AGBL3: variants seen among roughly 807,000 people sequenced by gnomAD.
AGBL3 encodes cytosolic carboxypeptidase 3.
In AGBL3, 68 loss-of-function variants were observed where a neutral mutation model predicts 94.5. The observed-to-expected ratio is 0.72, with a 90% confidence interval of 0.59 to 0.88. AGBL3 has a LOEUF of 0.88. Ranked by LOEUF, AGBL3 falls within the 40% of genes least tolerant of loss-of-function variation. The pLI, the probability that AGBL3 is intolerant of heterozygous loss-of-function variation, is 0.00. For missense variants in AGBL3, 934 were observed against 1,103.8 expected, an observed-to-expected ratio of 0.85 and a Z score of 2.18; for synonymous variants, 354 against 370.7, an observed-to-expected ratio of 0.95 and a Z score of 0.52.
intron 5 of AGBL3, among the ~76,000 whole-genome samples, chr7:135,031,886 C>T (rs1395280067): frequency 6.6e-6 from 1 of 152,194 alleles, no homozygotes; most frequent in Non-Finnish European, 1.5e-5. Context: ...TTCTTAGTCT[C>T]ATCTTTTGAC....
chr7:135,027,563 G>T (rs1323745611), intron 5 of AGBL3, among the ~76,000 whole-genome samples: 1 of 151,318 alleles, frequency 6.6e-6, no homozygotes, highest in Non-Finnish European at 1.5e-5. Context: ...TCAGTTTTAA[G>T]TTGGCTGGCA....
At chr7:135,088,238 T>C (rs1328820195) in intron 15 of AGBL3, among the ~76,000 whole-genome samples, 1 of 152,118 alleles carries the variant, frequency 6.6e-6, no homozygotes, top group Non-Finnish European at 1.5e-5. Flanking sequence ...AGGCAGCATA[T>C]AGTTGGTTTT....
At chr7:135,101,800 C>T (rs1437371978) in intron 15 of AGBL3, among the ~76,000 whole-genome samples, 6 of 152,124 alleles carry the variant, frequency 3.9e-5, no homozygotes, top group South Asian at 2.1e-4. Context: ...TTGCCTGTGT[C>T]CCCACCCAAA....
intron 13 of AGBL3, 106 bp downstream of exon 13, chr7:135,076,574 A>C (rs2116826009): frequency 1.1e-6 from 1 of 885,220 alleles, no homozygotes; most frequent in South Asian, 1.7e-5. Flanking sequence ...CCCCAGGAGA[A>C]GTTAAAATTT....
rs1345278427 is a variant in AGBL3 at position 135,045,814 on chromosome 7, AAAG to A, written c.1747_1749del (p.Glu583del). The A allele has an allele frequency of 1.4e-5, 21 of 1,549,604 alleles. No homozygotes were observed. The highest frequency in any genetic ancestry group is 4.1e-5 in the African/African-American group (3 of 72,940). On this transcript the variant is annotated inframe_deletion, in exon 11 of 17. Transcript: ENST00000436302. ...TTTTGCCTAGTATTATCGGTGCCTGAAAGAATTAGAAGAAATGGAAAGACATAT... is the reference window on the plus strand; with the variant it reads ...TTTTGCCTAGTATTATCGGTGCCTGAAATTAGAAGAAATGGAAAGACATAT...
At chr7:135,087,209 T>A (rs1821399052) in intron 15 of AGBL3, among the ~76,000 whole-genome samples, 1 of 151,944 alleles carries the variant, frequency 6.6e-6, no homozygotes, top group African/African-American at 2.4e-5. Context: ...ATTCTGATTT[T>A]ATTTGGGTCT....
intron 15 of AGBL3, among the ~76,000 whole-genome samples, chr7:135,082,915 T>C (rs1287194766): frequency 6.6e-6 from 1 of 152,138 alleles, no homozygotes; most frequent in Non-Finnish European, 1.5e-5. Flanking sequence ...CTATCTGCTA[T>C]ACATCTCCAC....
At chr7:135,085,282 C>T (rs748172644) in intron 15 of AGBL3, among the ~76,000 whole-genome samples, 14 of 152,114 alleles carry the variant, frequency 9.2e-5, no homozygotes, top group Non-Finnish European at 1.8e-4. Flanking sequence ...AATGTTTTCT[C>T]CCATTCTGCA....
intron 15 of AGBL3, among the ~76,000 whole-genome samples, chr7:135,101,890 G>A (rs1021905750): frequency 3.3e-5 from 5 of 152,048 alleles, no homozygotes; most frequent in Admixed American, 6.6e-5. Context: ...TCATGGAGGC[G>A]GCGTCCCCCA....
intron 16 of AGBL3, among the ~76,000 whole-genome samples, chr7:135,124,520 T>C (rs1440250261): frequency 2.0e-5 from 3 of 152,222 alleles, no homozygotes; most frequent in Admixed American, 6.5e-5. Flanking sequence ...ATTCAGGACT[T>C]GAACTCTCAG....
At chr7:135,117,171 C>T (rs1826440679) in intron 16 of AGBL3, among the ~76,000 whole-genome samples, 1 of 152,178 alleles carries the variant, frequency 6.6e-6, no homozygotes, top group South Asian at 2.1e-4. Flanking sequence ...TTTTGATTTG[C>T]ATAATCTTTC....
At position 135,135,367 on chromosome 7, in the gene AGBL3, CCT is replaced by C. The variant is rs1451595377; in HGVS notation, c.*107_*108del. 4 of 1,037,418 alleles carry C rather than the reference CCT, an allele frequency of 3.9e-6. No homozygotes were observed. In the Admixed American group the frequency reaches 1.3e-4, roughly 34 times the overall value. 64.3% of individuals were successfully genotyped at this position (1,037,418 alleles called of 1,614,324 possible). On this transcript the variant is annotated 3_prime_UTR_variant, in exon 17 of 17. Coordinates refer to ENST00000436302, the MANE Select transcript of AGBL3 (RefSeq NM_178563.4). ...CCCCTTCCCCTTTCCCTATCTCTCCCCTTACACATGCATATGCATAAACTAAA... is the reference window on the plus strand; with the variant it reads ...CCCCTTCCCCTTTCCCTATCTCTCCCTACACATGCATATGCATAAACTAAA...
At chr7:134,993,809 T>A in intron 4 of AGBL3, 131 bp downstream of exon 4, 1 of 789,936 alleles carries the variant, frequency 1.3e-6, no homozygotes, top group East Asian at 3.3e-5. Context: ...CCACATAATG[T>A]AATTTTAAAT....
At chr7:135,024,415 C>G (rs1008127948) in intron 5 of AGBL3, among the ~76,000 whole-genome samples, 6 of 152,200 alleles carry the variant, frequency 3.9e-5, no homozygotes, top group Non-Finnish European at 1.5e-5. Context: ...GCCTGTAAAA[C>G]CCAGGGCAAG....
At chr7:135,068,292 C>G (rs1162588766) in intron 12 of AGBL3, among the ~76,000 whole-genome samples, 1 of 152,096 alleles carries the variant, frequency 6.6e-6, no homozygotes, top group Admixed American at 6.5e-5. Context: ...GAGAATGGAA[C>G]CAAGTTGGAA....
chr7:135,043,992 C>T (rs1010018817), intron 8 of AGBL3, 33 bp from the exon 9 acceptor site: 2 of 1,537,580 alleles, frequency 1.3e-6, no homozygotes, highest in African/African-American at 1.4e-5. Flanking sequence ...GGTACCAGAA[C>T]AACGAGTCTC....
intron 16 of AGBL3, among the ~76,000 whole-genome samples, chr7:135,121,853 G>T (rs1282082090): frequency 6.6e-6 from 1 of 152,180 alleles, no homozygotes; most frequent in Non-Finnish European, 1.5e-5. Flanking sequence ...GTGAGTGAGT[G>T]TGCTACCCAG....
chr7:135,016,047 A>G (rs1172129003), intron 4 of AGBL3, among the ~76,000 whole-genome samples: 3 of 17,076 alleles, frequency 1.8e-4, no homozygotes, highest in Non-Finnish European at 8.4e-3. Flanking sequence ...AAAAAAAAAA[A>G]AAAGAAAAGA....
intron 4 of AGBL3, chr7:135,012,160 C>T (rs1409509268): frequency 1.3e-5 from 2 of 152,054 alleles, no homozygotes; most frequent in Non-Finnish European, 2.9e-5. Flanking sequence ...ATACCATACA[C>T]TATGTGATTT....
Sources: allele counts gnomAD v4.1 joint callset (sites outside exome capture counted in the v4.1 genomes callset), GRCh38; gene constraint gnomAD v4.1.1; transcripts MANE v1.5; gene names NCBI Gene and HGNC (gene_info 2026-07-23, HGNC 2026-07-21).